The following DLGAP2 variants were observed in gnomAD, a reference collection of about 807,000 sequenced individuals.
DLGAP2 encodes DLG associated protein 2.
A neutral mutation model predicts 100.3 loss-of-function variants in DLGAP2; 26 were observed. The observed-to-expected ratio is 0.26, with a 90% CI of 0.19 to 0.36. The LOEUF (loss-of-function observed/expected upper bound fraction) is 0.36. Ranked by LOEUF, DLGAP2 falls within the 10% of genes least tolerant of loss-of-function variation. DLGAP2 has a pLI of 1.00. For missense variants in DLGAP2, 1,858 were observed against 1,453.2 expected (o/e 1.28, Z -4.53); for synonymous variants, 886 against 630.1 (o/e 1.41, Z -6.08).
intron 3 of DLGAP2, among the ~76,000 whole-genome samples, chr8:1,495,882 C>T (rs1387463576): frequency 6.6e-6 from 1 of 152,220 alleles, no homozygotes; most frequent in Non-Finnish European, 1.5e-5. Context: ...CACACGACAG[C>T]CCCTGCGGCC....
At chr8:1,471,562 C>T (rs1292105693) in intron 3 of DLGAP2, among the ~76,000 whole-genome samples, 26 of 147,794 alleles carry the variant, frequency 1.8e-4, no homozygotes, top group African/African-American at 4.8e-4. Flanking sequence ...TCCTCTGCGA[C>T]GCCCTCCCCT....
At chr8:1,498,254 A>T (rs892324031) in intron 3 of DLGAP2, among the ~76,000 whole-genome samples, 2 of 152,026 alleles carry the variant, frequency 1.3e-5, no homozygotes, top group Admixed American at 1.3e-4. Flanking sequence ...TGCAAAGAGG[A>T]TGGATGGTAA....
At chr8:1,330,649 G>A (rs966427195) in intron 3 of DLGAP2, among the ~76,000 whole-genome samples, 4 of 148,344 alleles carry the variant, frequency 2.7e-5, no homozygotes, top group Non-Finnish European at 4.5e-5. Context: ...GTTCTGGGTG[G>A]GACTGAGTTC....
At chr8:1,213,475 T>C (rs1370986509) in intron 2 of DLGAP2, among the ~76,000 whole-genome samples, 1 of 152,206 alleles carries the variant, frequency 6.6e-6, no homozygotes, top group African/African-American at 2.4e-5. Flanking sequence ...GTACTCACCA[T>C]ATTGCTCACA....
At chr8:1,381,807 G>C (rs1011181620) in intron 3 of DLGAP2, among the ~76,000 whole-genome samples, 31 of 151,348 alleles carry the variant, frequency 2.0e-4, no homozygotes, top group South Asian at 2.2e-4. Flanking sequence ...GTGTGTGTGT[G>C]TGTGTGTGTG....
chr8:824,819 C>A (rs1452797771), intron 1 of DLGAP2, among the ~76,000 whole-genome samples: 2 of 152,152 alleles, frequency 1.3e-5, no homozygotes, highest in East Asian at 3.9e-4. Flanking sequence ...CCTTTCTGCC[C>A]ACTGGTTTGG....
At chr8:1,595,640 G>T (rs1039052530) in intron 6 of DLGAP2, among the ~76,000 whole-genome samples, 4 of 140,148 alleles carry the variant, frequency 2.9e-5, no homozygotes, top group Non-Finnish European at 4.5e-5. Flanking sequence ...GCAGTCCGCA[G>T]TCCCGCCTGG....
At chr8:1,363,483 G>A (rs1802033246) in intron 3 of DLGAP2, among the ~76,000 whole-genome samples, 1 of 152,226 alleles carries the variant, frequency 6.6e-6, no homozygotes, top group Non-Finnish European at 1.5e-5. Context: ...CCCAGTGATG[G>A]CCTTGTCCAC....
rs1799308765 is a variant in DLGAP2, at chr8:1,693,638, C to T, written c.2796+2012C>T. Among the ~76,000 whole-genome samples the T allele has an allele frequency of 1.3e-5, 2 of 152,144 alleles. 1 individual carries two copies. Among genetic ancestry groups the T allele is most frequent in the South Asian group, 4.1e-4 (2 of 4,828 alleles). ...ATATTCTTACACATCAAAGGATGCA[C>T]AAGCAAGCCAGAGTTGCCATCTCAT... On this transcript the variant is annotated intron_variant, in intron 13 of 14. Coordinates refer to ENST00000637795, the MANE Select transcript of DLGAP2 (RefSeq NM_001346810.2).
intron 2 of DLGAP2, among the ~76,000 whole-genome samples, chr8:1,208,873 TAAATAAA>T (rs1798049119): frequency 7.4e-6 from 1 of 135,756 alleles, no homozygotes; most frequent in Non-Finnish European, 1.5e-5. Context: ...CAAAAATAAA[TAAATAAA>T]TAAATAAATA....
At chr8:1,249,625 A>G (rs1798992461) in intron 2 of DLGAP2, among the ~76,000 whole-genome samples, 1 of 152,210 alleles carries the variant, frequency 6.6e-6, no homozygotes. Flanking sequence ...TTTTTCCTGA[A>G]CTGAATGAAA....
intron 3 of DLGAP2, among the ~76,000 whole-genome samples, chr8:1,294,948 G>A (rs759219398): frequency 2.6e-5 from 4 of 151,640 alleles, no homozygotes; most frequent in Non-Finnish European, 4.4e-5. Flanking sequence ...TATTGGATAT[G>A]ATATAAATTA....
intron 2 of DLGAP2, among the ~76,000 whole-genome samples, chr8:1,081,595 C>G (rs1803813205): frequency 6.6e-6 from 1 of 152,206 alleles, no homozygotes; most frequent in South Asian, 2.1e-4. Context: ...AAGTGATCCT[C>G]CTGCCTTGGC....
chr8:1,001,737 A>C (rs1056014432), intron 2 of DLGAP2, among the ~76,000 whole-genome samples: 5 of 152,192 alleles, frequency 3.3e-5, no homozygotes. Context: ...CTATTGCTGT[A>C]ACGTACACAC....
intron 6 of DLGAP2, among the ~76,000 whole-genome samples, chr8:1,589,272 C>T (rs750095028): frequency 5.3e-5 from 8 of 152,208 alleles, no homozygotes; most frequent in Non-Finnish European, 1.0e-4. Flanking sequence ...CCAATAGTAA[C>T]ACTGCATTTA....
At chr8:781,341 AT>A (rs1395418533) in intron 1 of DLGAP2, among the ~76,000 whole-genome samples, 1 of 152,314 alleles carries the variant, frequency 6.6e-6, no homozygotes, top group East Asian at 1.9e-4. Context: ...GAACTTCTTA[AT>A]AATGAGGTTT....
chr8:1,273,432 G>A (rs79237268), intron 3 of DLGAP2, among the ~76,000 whole-genome samples: 3,059 of 152,260 alleles, frequency 0.02, 120 homozygotes, highest in African/African-American at 0.07. Context: ...GACCCAGGGG[G>A]TCAATGTGCC....
At chr8:981,880 A>T (rs1279319721) in intron 2 of DLGAP2, among the ~76,000 whole-genome samples, 1 of 152,184 alleles carries the variant, frequency 6.6e-6, no homozygotes, top group Non-Finnish European at 1.5e-5. Context: ...TTCCACAAAG[A>T]GTTTGAACTT....
In DLGAP2 at chr8:940,623, C is replaced by T. The variant is rs541870059; in HGVS notation, c.73+32657C>T. Among the ~76,000 whole-genome samples, 14 of 152,106 alleles carry T rather than the reference C, an allele frequency of 9.2e-5. 1 individual carries two copies. The highest frequency in any genetic ancestry group is 6.2e-4 in the South Asian group (3 of 4,808). On this transcript the variant is annotated intron_variant, in intron 2 of 14. Transcript: ENST00000637795. ...TGGGGAGGGCAGCCTGGGACGTTTT[C>T]GGGGGAAGGGGGAAGGAAAGGTTTT... is the stretch of plus-strand genomic sequence containing the variant.
Sources: gnomAD v4.1 joint callset for allele counts (sites outside exome capture counted in the v4.1 genomes callset) on GRCh38, gnomAD v4.1.1 for gene constraint, MANE v1.5 for transcripts, NCBI Gene and HGNC (gene_info 2026-07-23, HGNC 2026-07-21) for gene names.